Variants in ACP1 observed in about 807,000 individuals in gnomAD.
ACP1 encodes the protein acid phosphatase 1.
A neutral mutation model predicts 23.4 loss-of-function variants in ACP1; 23 were observed. The ratio of observed to expected loss-of-function variants is 0.98; its 90% CI spans 0.71 to 1.39. The LOEUF is 1.39. Ranked by LOEUF, ACP1 falls within the 40% of genes most tolerant of loss-of-function variation. The pLI is 0.00. For missense variants in ACP1, 180 were observed against 197.7 expected, an observed-to-expected ratio of 0.91 and a Z score of 0.54; for synonymous variants, 72 against 67.2, an observed-to-expected ratio of 1.07 and a Z score of -0.35.
intron 1 of ACP1, among the ~76,000 whole-genome samples, chr2:266,753 A>G (rs1045765901): frequency 7.9e-5 from 12 of 152,196 alleles, no homozygotes; most frequent in African/African-American, 2.7e-4. Context: ...CATGGATAGA[A>G]GATTTGTTCG....
intron 4 of ACP1, chr2:275,465 A>G: frequency 3.9e-6 from 1 of 254,186 alleles, no homozygotes; most frequent in Non-Finnish European, 7.5e-6. Flanking sequence ...CTTGGCTGTT[A>G]TAGTTTTGTA....
chr2:270,567 G>A (rs1271006860), intron 1 of ACP1, among the ~76,000 whole-genome samples: 1 of 151,966 alleles, frequency 6.6e-6, no homozygotes, highest in Non-Finnish European at 1.5e-5. Flanking sequence ...GTAGTGTATT[G>A]TTTATCAGCA....
chr2:272,255 G>A (rs1670066048), intron 3 of ACP1, 105 bp downstream of exon 3: 1 of 1,614,054 alleles, frequency 6.2e-7, no homozygotes. Flanking sequence ...CCCAAGAGCT[G>A]TGAGCTGCCT....
intron 1 of ACP1, among the ~76,000 whole-genome samples, chr2:267,397 A>G (rs1440071248): frequency 6.6e-6 from 1 of 152,224 alleles, no homozygotes; most frequent in African/African-American, 2.4e-5. Context: ...AAAATAGAGC[A>G]GAAAAGGGGA....
intron 4 of ACP1, 63 bp downstream of exon 4, chr2:275,264 T>G (rs1010942619): frequency 1.5e-5 from 13 of 891,702 alleles, no homozygotes; most frequent in Non-Finnish European, 1.9e-5. Context: ...CCAAGTAATT[T>G]GTTGTCCAGA....
Position 275,124 on chromosome 2 carries a change from T to A in ACP1, c.232-16T>A. 7.0e-7 allele frequency: 1 copy of A among 1,424,612 alleles called. No homozygotes were observed. The highest frequency in any genetic ancestry group is 1.3e-5 in the South Asian group (1 of 76,904). 88.2% of individuals were successfully genotyped at this position (1,424,612 alleles called of 1,614,324 possible). A position where few individuals can be genotyped will look rare whatever the true frequency, so the allele number is the denominator to read the frequency against. ...ATGGTATAAACACTGTGTTTTGACT[T>A]CTTATTCAATTTTAGATTACCAAAG... On this transcript the variant is annotated splice_polypyrimidine_tract_variant and intron_variant, in intron 3 of 5. Transcript: ENST00000272065.
rs746422337 is a variant in ACP1 at position 272,086 on chromosome 2, CT to C, written c.168del (p.Asp57ThrfsTer8). The part of the protein sequence containing the change: ...ATSGYEIGNP[P>X]DYRGQSCMKR... ...TCCGGGTATGAGATAGGGAACCCCCCTGACTACCGAGGGCAGAGCTGCATGA... is the reference window on the plus strand; with the variant it reads ...TCCGGGTATGAGATAGGGAACCCCCCGACTACCGAGGGCAGAGCTGCATGA... On this transcript the variant is annotated frameshift_variant, in exon 3 of 6. Transcript: ENST00000272065. LOFTEE classifies it high-confidence loss of function. The C allele has an allele frequency of 3.7e-6, 6 of 1,614,094 alleles. No individual in the cohort carries two copies. Among genetic ancestry groups the C allele is most frequent in the Non-Finnish European group, 4.2e-6 (5 of 1,180,050 alleles).
Position 278,253 on chromosome 2 carries a change from G to A in ACP1, c.*949G>A, listed in dbSNP as rs528078264. On this transcript the variant is annotated 3_prime_UTR_variant, in exon 6 of 6. Coordinates refer to ENST00000272065, the MANE Select transcript of ACP1 (RefSeq NM_004300.4). The stretch of plus-strand genomic sequence containing the variant: ...TCATGAATATTTCAAAATAAACTGG[G>A]GAGTTATAAAAATACAACTAGAGAT... 3.9e-5 allele frequency: 6 copies of A among 152,232 alleles called. No individual in the cohort carries two copies. Among genetic ancestry groups the A allele is most frequent in the African/African-American group, 1.2e-4 (5 of 41,526 alleles). 9.4% of individuals were successfully genotyped at this position (152,232 alleles called of 1,614,324 possible). A position where few individuals can be genotyped will look rare whatever the true frequency, so the allele number is the denominator to read the frequency against.
intron 1 of ACP1, chr2:265,254 G>A (rs1669828681): frequency 6.2e-6 from 3 of 483,608 alleles, no homozygotes; most frequent in East Asian, 7.3e-5. Context: ...CTTGGCATCT[G>A]CAGCCACAGC....
At chr2:266,549 C>T (rs1572193202) in intron 1 of ACP1, among the ~76,000 whole-genome samples, 1 of 152,174 alleles carries the variant, frequency 6.6e-6, no homozygotes, top group East Asian at 1.9e-4. Flanking sequence ...CAAGACTCCC[C>T]AGTGGATCCC....
intron 1 of ACP1, among the ~76,000 whole-genome samples, chr2:266,018 C>T (rs544000188): frequency 1.3e-5 from 2 of 152,214 alleles, no homozygotes; most frequent in African/African-American, 2.4e-5. Context: ...GCTTCCTTAT[C>T]GACATCTTTT....
intron 1 of ACP1, 106 bp downstream of exon 1, chr2:265,113 G>A (rs931128729): frequency 3.5e-6 from 5 of 1,430,920 alleles, no homozygotes; most frequent in South Asian, 2.4e-5. Context: ...AGGGGGAGGA[G>A]GCCAGGGACT....
chr2:274,315 C>T (rs1348665268), intron 3 of ACP1, among the ~76,000 whole-genome samples: 4 of 152,192 alleles, frequency 2.6e-5, no homozygotes, highest in Non-Finnish European at 4.4e-5. Flanking sequence ...AACAGGTATA[C>T]ACTTTCCACC....
At chr2:268,119 G>A (rs915289928) in intron 1 of ACP1, among the ~76,000 whole-genome samples, 1 of 152,180 alleles carries the variant, frequency 6.6e-6, no homozygotes, top group African/African-American at 2.4e-5. Flanking sequence ...AACATTGGAG[G>A]GTTTTGAGCA....
rs182705391 is a variant in ACP1 at position 271,180 on chromosome 2, T to A, written c.44-686T>A. Among the ~76,000 whole-genome samples, 800 of 152,322 alleles carry A rather than the reference T, an allele frequency of 5.3e-3. 8 individuals carry two copies. Among genetic ancestry groups the A allele is most frequent in the African/African-American group, 0.018 (761 of 41,572 alleles). ...GCATGTTTGTGTGTTTGTGTATTGT[T>A]TTGTGAAACAGTAGTCATCCTTATG... On this transcript the variant is annotated intron_variant, in intron 1 of 5. Coordinates refer to ENST00000272065, the MANE Select transcript of ACP1 (RefSeq NM_004300.4).
At chr2:271,793 T>C (rs1160024473) in intron 1 of ACP1, 73 bp from the exon 2 acceptor site, 2 of 1,198,900 alleles carry the variant, frequency 1.7e-6, no homozygotes, top group African/African-American at 3.0e-5. Context: ...GTCAGGTGTG[T>C]AAAGAAGGGG....
At chr2:265,099 C>T (rs1259299534) in intron 1 of ACP1, 92 bp downstream of exon 1, 10 of 1,522,484 alleles carry the variant, frequency 6.6e-6, no homozygotes, top group African/African-American at 1.4e-5. Context: ...GCCTAGGAAC[C>T]ATGAGGGGGA....
chr2:265,105 G>T, intron 1 of ACP1, 98 bp downstream of exon 1: 1 of 1,487,564 alleles, frequency 6.7e-7, no homozygotes, highest in South Asian at 1.2e-5. Flanking sequence ...GAACCATGAG[G>T]GGGAGGAGGC....
Position 277,449 on chromosome 2 carries a change from T to C in ACP1, c.*145T>C, listed in dbSNP as rs1670206423. 1.4e-6 allele frequency: 1 copy of C among 700,050 alleles called. No individual in the cohort carries two copies. Among genetic ancestry groups the C allele is most frequent in the African/African-American group, 1.8e-5 (1 of 56,100 alleles). The allele number at this position is 700,050 out of a possible 1,614,324, so 43.4% of individuals were successfully genotyped here. ...TACTGTTTCTTACCTTAAAAAGTAA[T>C]TGTAGATGGAAATCAGTTGTGTTTG... On this transcript the variant is annotated 3_prime_UTR_variant, in exon 6 of 6. Transcript: ENST00000272065.
Sources: allele counts gnomAD v4.1 joint callset (sites outside exome capture counted in the v4.1 genomes callset), GRCh38; gene constraint gnomAD v4.1.1; transcripts MANE v1.5; gene names NCBI Gene and HGNC (gene_info 2026-07-23, HGNC 2026-07-21).